RPA1: variants seen among roughly 807,000 people sequenced by gnomAD.
RPA1 encodes the protein replication protein A1, also known as replication protein A 70 kDa DNA-binding subunit.
Under a neutral mutation model 83.0 loss-of-function variants are expected in RPA1, and 49 were observed. The observed-to-expected ratio is 0.59, with a 90% CI of 0.47 to 0.75. The LOEUF is 0.75. RPA1 is among the 30% of genes least tolerant of loss of function. The pLI is 0.00. For synonymous variants in RPA1, 279 were observed against 281.8 expected (o/e 0.99, Z 0.10); for missense variants, 693 against 776.1 (o/e 0.89, Z 1.27).
chr17:1,837,057 C>T lies in RPA1; in HGVS notation c.34-5746C>T, dbSNP rs977582680. On this transcript the variant is annotated intron_variant, in intron 1 of 16. Transcript: ENST00000254719. Reference sequence around the variant, plus strand: ...TTCACCACGGTGGTCAGGATGGTCTCGATCTCTTGACCTCGTGATCCACCC... The same window carrying T: ...TTCACCACGGTGGTCAGGATGGTCTTGATCTCTTGACCTCGTGATCCACCC... Among the ~76,000 whole-genome samples the T allele has an allele frequency of 4.0e-5, 6 of 151,786 alleles. No individual in the cohort carries two copies. The South Asian group carries it at 6.2e-4, about 16-fold the overall frequency.
intron 5 of RPA1, among the ~76,000 whole-genome samples, chr17:1,862,220 G>A (rs1253756982): frequency 1.4e-4 from 6 of 43,316 alleles, no homozygotes; most frequent in African/African-American, 1.1e-3. Flanking sequence ...TTTTTTTTTT[G>A]TAGCGATGGA....
chr17:1,874,032 T>TACACACACAC (rs67199303), intron 6 of RPA1, among the ~76,000 whole-genome samples: 24 of 79,248 alleles, frequency 3.0e-4, no homozygotes, highest in African/African-American at 1.1e-3. Flanking sequence ...TATATATATA[T>TACACACACAC]ACACACACAC....
At chr17:1,892,859 T>C (rs1043063118) in intron 15 of RPA1, among the ~76,000 whole-genome samples, 1 of 152,222 alleles carries the variant, frequency 6.6e-6, no homozygotes, top group Admixed American at 6.5e-5. Flanking sequence ...TTGCTAATAA[T>C]GCTGAATTTA....
chr17:1,853,314 G>A, intron 5 of RPA1, 125 bp downstream of exon 5: 2 of 718,840 alleles, frequency 2.8e-6, no homozygotes, highest in Admixed American at 2.5e-5. Flanking sequence ...TGAGGTCTAG[G>A]AACCAGGCTA....
Position 1,884,038 on chromosome 17 carries a change from C to G in RPA1, c.1374+94C>G. The G allele has an allele frequency of 9.7e-6, 15 of 1,544,190 alleles. No individual in the cohort carries two copies. The highest frequency in any genetic ancestry group is 1.2e-5 in the Non-Finnish European group (14 of 1,133,544). The stretch of plus-strand genomic sequence containing the variant: ...GGTTTCCAGCACCAGCTGTCAGAGC[C>G]GTAATTCTTACCCGGGGCTGTGACC... On this transcript the variant is annotated intron_variant, in intron 13 of 16. Coordinates refer to ENST00000254719, the MANE Select transcript of RPA1 (RefSeq NM_002945.5). The surrounding 1 kb of genome is among the most constrained non-coding windows in gnomAD (Gnocchi z 4.1).
chr17:1,856,609 C>CA (rs1336402325), intron 5 of RPA1, among the ~76,000 whole-genome samples: 25 of 151,896 alleles, frequency 1.6e-4, no homozygotes, highest in Admixed American at 3.9e-4. Context: ...CAAAACAAAA[C>CA]AAAACGAAAC....
intron 1 of RPA1, among the ~76,000 whole-genome samples, chr17:1,833,093 A>AT (rs1911683572): frequency 6.6e-6 from 1 of 151,834 alleles, no homozygotes; most frequent in Admixed American, 6.6e-5. Context: ...CACCCTGCTA[A>AT]TTTTTGTATT....
intron 5 of RPA1, among the ~76,000 whole-genome samples, chr17:1,859,787 C>T (rs796262917): frequency 3.9e-5 from 6 of 152,088 alleles, no homozygotes; most frequent in African/African-American, 1.4e-4. Context: ...TGTGCCACCA[C>T]GCCCAGCTAA....
At chr17:1,869,877 T>A (rs1913315554) in intron 5 of RPA1, among the ~76,000 whole-genome samples, 1 of 152,216 alleles carries the variant, frequency 6.6e-6, no homozygotes, top group Non-Finnish European at 1.5e-5. Context: ...TCTCGTCTCT[T>A]GTGCCAGATT....
Position 1,897,214 on chromosome 17 carries a change from C to T in RPA1, c.*39C>T, listed in dbSNP as rs1914476012. ...AATCGGGCAGAAGTTTGCAAATAGG[C>T]AGAATGGAATCGATTTCCTCCCACC... On this transcript the variant is annotated 3_prime_UTR_variant, in exon 17 of 17. Transcript: ENST00000254719. 6.9e-7 allele frequency: 1 copy of T among 1,444,796 alleles called. No homozygotes were observed. The highest frequency in any genetic ancestry group is 1.4e-5 in the African/African-American group (1 of 70,894). The allele number at this position is 1,444,796 out of a possible 1,614,324, so 89.5% of individuals were successfully genotyped here. A position where few individuals can be genotyped will look rare whatever the true frequency, so the allele number is the denominator to read the frequency against.
intron 5 of RPA1, among the ~76,000 whole-genome samples, chr17:1,868,903 A>G (rs1567816393): frequency 6.6e-6 from 1 of 152,236 alleles, no homozygotes. Context: ...CCATGCACCT[A>G]TACTATGGCT....
chr17:1,890,804 G>T (rs530509195), intron 14 of RPA1, among the ~76,000 whole-genome samples: 1 of 152,270 alleles, frequency 6.6e-6, no homozygotes, highest in Non-Finnish European at 1.5e-5. Flanking sequence ...TTAGTTTGTG[G>T]AAACATCAGC....
At chr17:1,869,243 A>G (rs1259466866) in intron 5 of RPA1, among the ~76,000 whole-genome samples, 3 of 152,216 alleles carry the variant, frequency 2.0e-5, no homozygotes, top group Non-Finnish European at 4.4e-5. Flanking sequence ...CTGCTCTGAA[A>G]TATCCTGTTT....
intron 14 of RPA1, among the ~76,000 whole-genome samples, chr17:1,891,040 A>T (rs1303065956): frequency 6.6e-6 from 1 of 152,194 alleles, no homozygotes; most frequent in Non-Finnish European, 1.5e-5. Flanking sequence ...TTTCGTCATA[A>T]CATTCTCTCT....
chr17:1,853,979 C>CTAA (rs1484046524), intron 5 of RPA1, among the ~76,000 whole-genome samples: 5 of 151,896 alleles, frequency 3.3e-5, no homozygotes, highest in Non-Finnish European at 7.4e-5. Context: ...TTGAGGCTGG[C>CTAA]GTTTAGTAAG....
In RPA1 at chr17:1,830,012, C is replaced by T; in HGVS notation, c.-82C>T. 8.2e-7 allele frequency: 1 copy of T among 1,223,338 alleles called. No individual in the cohort carries two copies. The highest frequency in any genetic ancestry group is 1.0e-6 in the Non-Finnish European group (1 of 966,546). 75.8% of individuals were successfully genotyped at this position (1,223,338 alleles called of 1,614,324 possible). A position where few individuals can be genotyped will look rare whatever the true frequency, so the allele number is the denominator to read the frequency against. ...GAGCGGTGCGCGCAACTTCTCGGGC[C>T]AATAACTGCGCAGCGCGCGGGACCC... On this transcript the variant is annotated 5_prime_UTR_variant, in exon 1 of 17. Transcript: ENST00000254719.
chr17:1,880,995 C>T (rs893243392), intron 12 of RPA1, among the ~76,000 whole-genome samples: 5 of 152,178 alleles, frequency 3.3e-5, no homozygotes, highest in East Asian at 1.9e-4. Context: ...GTGCTGAAGG[C>T]GCCTTTCTTT....
At chr17:1,866,108 G>A (rs1913164804) in intron 5 of RPA1, among the ~76,000 whole-genome samples, 1 of 151,968 alleles carries the variant, frequency 6.6e-6, no homozygotes, top group African/African-American at 2.4e-5. Flanking sequence ...CAGGCGTGGT[G>A]GTGTACACCT....
chr17:1,851,987 G>C (rs1912513702), intron 4 of RPA1, among the ~76,000 whole-genome samples: 3 of 152,188 alleles, frequency 2.0e-5, no homozygotes. Flanking sequence ...ATGAATTTGG[G>C]TAGATTATTG....
Sources: gnomAD v4.1 joint callset for allele counts (sites outside exome capture counted in the v4.1 genomes callset) on GRCh38, gnomAD v4.1.1 for gene constraint, Gnocchi (gnomAD v3.1) non-coding constraint, MANE v1.5 for transcripts, NCBI Gene and HGNC (gene_info 2026-07-23, HGNC 2026-07-21) for gene names.